STK39: variants seen among roughly 807,000 people sequenced by gnomAD.
STK39 encodes the protein serine/threonine kinase 39.
In STK39, 20 loss-of-function variants were observed where a neutral mutation model predicts 77.8. The observed-to-expected ratio is 0.26, with a 90% CI of 0.18 to 0.37. The LOEUF (loss-of-function observed/expected upper bound fraction) is 0.37. Ranked by LOEUF, STK39 falls within the 10% of genes least tolerant of loss-of-function variation. The pLI, the probability that STK39 is intolerant of heterozygous loss-of-function variation, is 1.00. For synonymous variants in STK39, 246 were observed against 234.1 expected (o/e 1.05, Z -0.47); for missense variants, 479 against 656.5 (o/e 0.73, Z 2.95).
chr2:167,994,834 A>G (rs1683791855), intron 16 of STK39, among the ~76,000 whole-genome samples: 1 of 152,174 alleles, frequency 6.6e-6, no homozygotes, highest in African/African-American at 2.4e-5. Flanking sequence ...AGTCTCCAGT[A>G]CAGCTACAGA....
At chr2:168,020,108 CT>C (rs1684534216) in intron 14 of STK39, among the ~76,000 whole-genome samples, 1 of 152,054 alleles carries the variant, frequency 6.6e-6, no homozygotes, top group South Asian at 2.1e-4. Flanking sequence ...CTTTTATGTT[CT>C]TAAAAAGTAG....
chr2:168,043,168 C>T (rs998825758), intron 14 of STK39, among the ~76,000 whole-genome samples: 2 of 152,158 alleles, frequency 1.3e-5, no homozygotes, highest in African/African-American at 4.8e-5. Flanking sequence ...CCACCTTTTA[C>T]TCAGCAATCA....
At chr2:168,105,660 T>A (rs936928872) in intron 10 of STK39, among the ~76,000 whole-genome samples, 3 of 152,228 alleles carry the variant, frequency 2.0e-5, no homozygotes, top group Admixed American at 2.0e-4. Flanking sequence ...CTTATATCCA[T>A]AGGAAATACC....
At chr2:168,155,672 A>G (rs1688408831) in intron 5 of STK39, among the ~76,000 whole-genome samples, 1 of 151,954 alleles carries the variant, frequency 6.6e-6, no homozygotes, top group Non-Finnish European at 1.5e-5. Flanking sequence ...CTTTAGCCTC[A>G]TGGCTTGCAG....
chr2:168,029,000 A>G (rs1008269323), intron 14 of STK39, among the ~76,000 whole-genome samples: 1 of 152,224 alleles, frequency 6.6e-6, no homozygotes, highest in African/African-American at 2.4e-5. Flanking sequence ...AGACAATAGA[A>G]GTTTATATCT....
chr2:168,061,722 A>G (rs1685669626), intron 14 of STK39, among the ~76,000 whole-genome samples: 1 of 152,216 alleles, frequency 6.6e-6, no homozygotes. Flanking sequence ...GAAAAAGGCT[A>G]AAGATTCTTA....
intron 1 of STK39, among the ~76,000 whole-genome samples, chr2:168,193,844 T>C (rs1000165923): frequency 6.6e-5 from 10 of 152,204 alleles, no homozygotes; most frequent in African/African-American, 2.2e-4. Context: ...TGCTGGTCCA[T>C]GGGCCACATT....
At chr2:167,994,881 G>A (rs1205904398) in intron 16 of STK39, among the ~76,000 whole-genome samples, 1 of 151,892 alleles carries the variant, frequency 6.6e-6, no homozygotes, top group Non-Finnish European at 1.5e-5. Context: ...AAATCCTTCA[G>A]GTCACAAAAA....
intron 17 of STK39, among the ~76,000 whole-genome samples, chr2:167,956,488 G>A (rs968997165): frequency 4.6e-5 from 7 of 151,670 alleles, no homozygotes; most frequent in Admixed American, 6.6e-5. Flanking sequence ...CACTTGAACC[G>A]GGGAGGCAGA....
intron 10 of STK39, among the ~76,000 whole-genome samples, chr2:168,091,607 G>A (rs1470734284): frequency 1.3e-5 from 2 of 152,182 alleles, no homozygotes; most frequent in Non-Finnish European, 2.9e-5. Context: ...GGTGTGACAC[G>A]CTGACGTTGT....
intron 5 of STK39, among the ~76,000 whole-genome samples, chr2:168,151,839 G>C (rs936385197): frequency 3.3e-5 from 5 of 152,088 alleles, no homozygotes; most frequent in African/African-American, 1.2e-4. Flanking sequence ...AGACACCACA[G>C]GCTTAAAAGG....
intron 2 of STK39, among the ~76,000 whole-genome samples, chr2:168,171,872 AC>A (rs1254090519): frequency 3.7e-4 from 29 of 79,350 alleles, no homozygotes; most frequent in Admixed American, 7.8e-4. Context: ...TCCCCCCCAC[AC>A]ACAAAACATT....
chr2:168,188,702 T>C (rs1382973628), intron 1 of STK39, among the ~76,000 whole-genome samples: 12 of 152,208 alleles, frequency 7.9e-5, no homozygotes, highest in Admixed American at 7.9e-4. Flanking sequence ...CTCCTCGTCT[T>C]ACTATTTCAC....
At chr2:168,192,651 A>C (rs1428318938) in intron 1 of STK39, among the ~76,000 whole-genome samples, 1 of 152,188 alleles carries the variant, frequency 6.6e-6, no homozygotes, top group Non-Finnish European at 1.5e-5. Context: ...CTCAACTACA[A>C]AAAGCAAATG....
intron 1 of STK39, among the ~76,000 whole-genome samples, chr2:168,195,200 T>A (rs1000609686): frequency 6.6e-6 from 1 of 152,162 alleles, no homozygotes; most frequent in African/African-American, 2.4e-5. Context: ...TCAGAAGACA[T>A]AACCTGGGCA....
chr2:168,043,862 A>G (rs1035874478), intron 14 of STK39, among the ~76,000 whole-genome samples: 5 of 152,324 alleles, frequency 3.3e-5, no homozygotes, highest in Non-Finnish European at 4.4e-5. Flanking sequence ...GAGGCTGCAG[A>G]TTATCCAGTA....
At chr2:168,235,971 G>A (rs1418886509) in intron 1 of STK39, among the ~76,000 whole-genome samples, 2 of 152,048 alleles carry the variant, frequency 1.3e-5, no homozygotes, top group African/African-American at 2.4e-5. Context: ...TATATACCCA[G>A]TAATGGAATG....
At chr2:168,206,322 C>T (rs1416309228) in intron 1 of STK39, among the ~76,000 whole-genome samples, 4 of 146,554 alleles carry the variant, frequency 2.7e-5, no homozygotes, top group Non-Finnish European at 6.0e-5. Context: ...TTTTTTGAGA[C>T]GGGGTTTCTT....
intron 1 of STK39, among the ~76,000 whole-genome samples, chr2:168,232,987 C>A (rs1319255426): frequency 6.6e-6 from 1 of 151,992 alleles, no homozygotes; most frequent in Non-Finnish European, 1.5e-5. Flanking sequence ...ATCACAAAAA[C>A]GGCTATAGAT....
Sources: gnomAD v4.1 joint callset for allele counts (sites outside exome capture counted in the v4.1 genomes callset) on GRCh38, gnomAD v4.1.1 for gene constraint, MANE v1.5 for transcripts, NCBI Gene and HGNC (gene_info 2026-07-23, HGNC 2026-07-21) for gene names.